Variants in PPP1R36 observed in about 807,000 individuals in gnomAD.
PPP1R36 encodes protein phosphatase 1 regulatory subunit 36, also known as chromosome 14 open reading frame 50.
A neutral mutation model predicts 53.4 loss-of-function variants in PPP1R36; 47 were observed. The ratio of observed to expected loss-of-function variants is 0.88; its 90% CI spans 0.70 to 1.12. The LOEUF (loss-of-function observed/expected upper bound fraction) is 1.12, where lower values mean the gene tolerates loss of function less well. Among genes scored for constraint, PPP1R36 ranks in the 50% most tolerant of loss-of-function variants. The pLI is 0.00. For missense variants in PPP1R36, 456 were observed against 513.9 expected (o/e 0.89, Z 1.09); for synonymous variants, 153 against 170.5 (o/e 0.90, Z 0.80).
At chr14:64,565,957 A>G (rs1162129683) in intron 6 of PPP1R36, among the ~76,000 whole-genome samples, 1 of 152,198 alleles carries the variant, frequency 6.6e-6, no homozygotes, top group African/African-American at 2.4e-5. Flanking sequence ...TGCTATTTTT[A>G]TATAATAGTT....
chr14:64,560,752 G>A (rs2080200022), intron 3 of PPP1R36, among the ~76,000 whole-genome samples: 1 of 152,222 alleles, frequency 6.6e-6, no homozygotes, highest in East Asian at 1.9e-4. Context: ...GGAATACACA[G>A]TAAAGGGGGA....
At chr14:64,588,843 A>G (rs2080459882) in intron 11 of PPP1R36, among the ~76,000 whole-genome samples, 1 of 152,060 alleles carries the variant, frequency 6.6e-6, no homozygotes, top group Non-Finnish European at 1.5e-5. Flanking sequence ...TACAGGTGTG[A>G]GCCACCGCGC....
intron 3 of PPP1R36, among the ~76,000 whole-genome samples, chr14:64,558,789 C>A (rs979314872): frequency 6.6e-6 from 1 of 151,994 alleles, no homozygotes; most frequent in Admixed American, 6.6e-5. Context: ...GCACGCGGCA[C>A]CACAGCTGGC....
chr14:64,566,957 A>G (rs1445561567), intron 6 of PPP1R36, among the ~76,000 whole-genome samples: 1 of 152,216 alleles, frequency 6.6e-6, no homozygotes, highest in African/African-American at 2.4e-5. Context: ...AATTGTTAAC[A>G]GCCTCTTTGT....
At chr14:64,555,431 C>T (rs2080141148) in intron 3 of PPP1R36, among the ~76,000 whole-genome samples, 2 of 151,944 alleles carry the variant, frequency 1.3e-5, no homozygotes, top group African/African-American at 4.8e-5. Context: ...AGAAATAACT[C>T]TAAGAATAGT....
chr14:64,567,405 T>A (rs61987034), intron 6 of PPP1R36, among the ~76,000 whole-genome samples: 25,028 of 152,176 alleles, frequency 0.16, 2,388 homozygotes, highest in Non-Finnish European at 0.21. Flanking sequence ...TAGGTAAATA[T>A]GAGGTATAGA....
At chr14:64,570,506 G>A (rs1177603429) in intron 7 of PPP1R36, among the ~76,000 whole-genome samples, 1 of 151,982 alleles carries the variant, frequency 6.6e-6, no homozygotes, top group Non-Finnish European at 1.5e-5. Context: ...TGGAGTTTAT[G>A]GTGTGATTCT....
chr14:64,588,086 C>A lies in PPP1R36; in HGVS notation c.891-18C>A. The stretch of plus-strand genomic sequence containing the variant: ...AAACAGGGTGATATGACCTAAATGT[C>A]ACCTTCCTCCCCGACAGGAGAATGA... On this transcript the variant is annotated intron_variant, in intron 10 of 11. Transcript: ENST00000298705. The A allele has an allele frequency of 6.3e-7, 1 of 1,580,856 alleles. No individual in the cohort carries two copies. Among genetic ancestry groups the A allele is most frequent in the South Asian group, 1.2e-5 (1 of 86,104 alleles).
At chr14:64,580,923 G>C (rs896942652) in intron 8 of PPP1R36, among the ~76,000 whole-genome samples, 2 of 152,084 alleles carry the variant, frequency 1.3e-5, no homozygotes, top group African/African-American at 4.8e-5. Flanking sequence ...AAGTGAACTG[G>C]GGTCCGCTTG....
Position 64,552,874 on chromosome 14 carries a change from C to CA in PPP1R36, c.182+14dup. 6.2e-7 allele frequency: 1 copy of CA among 1,608,156 alleles called. No individual in the cohort carries two copies. The highest frequency in any genetic ancestry group is 8.5e-7 in the Non-Finnish European group (1 of 1,174,656). ...AACATCACCCTCAGTGAGTGTGAGA[C>CA]AGACAGTGAGATAGCTTTGGGATTA... On this transcript the variant is annotated intron_variant, in intron 3 of 11. Coordinates refer to ENST00000298705, the MANE Select transcript of PPP1R36 (RefSeq NM_172365.3).
intron 8 of PPP1R36, 60 bp downstream of exon 8, chr14:64,574,649 A>G: frequency 6.5e-7 from 1 of 1,526,782 alleles, no homozygotes; most frequent in South Asian, 1.2e-5. Flanking sequence ...CATCCTTAAG[A>G]TGCTTCCGTT....
intron 3 of PPP1R36, among the ~76,000 whole-genome samples, chr14:64,562,317 A>G (rs1392323606): frequency 6.6e-6 from 1 of 152,152 alleles, no homozygotes; most frequent in Admixed American, 6.5e-5. Context: ...AAAAATTAGC[A>G]GGATGTGGTG....
intron 1 of PPP1R36, 66 bp downstream of exon 1, chr14:64,550,132 C>T (rs1185153685): frequency 2.0e-6 from 3 of 1,526,940 alleles, no homozygotes; most frequent in South Asian, 2.4e-5. Flanking sequence ...TGCCCCCAAC[C>T]GGCGCCGCGC....
At chr14:64,581,722 G>A (rs1366892564) in intron 8 of PPP1R36, among the ~76,000 whole-genome samples, 4 of 152,136 alleles carry the variant, frequency 2.6e-5, no homozygotes, top group Admixed American at 2.6e-4. Flanking sequence ...ACATTATGCT[G>A]CGTATCTCTA....
intron 10 of PPP1R36, 92 bp from the exon 11 acceptor site, chr14:64,588,012 G>T: frequency 8.2e-7 from 1 of 1,223,954 alleles, no homozygotes; most frequent in Non-Finnish European, 1.1e-6. Flanking sequence ...CCAAAGGGTT[G>T]GGATTACAGG....
chr14:64,577,816 T>G (rs2080355602), intron 8 of PPP1R36, among the ~76,000 whole-genome samples: 2 of 139,148 alleles, frequency 1.4e-5, no homozygotes, highest in South Asian at 4.9e-4. Context: ...AACTCTGCCT[T>G]CCGGGTTCAC....
chr14:64,572,310 T>C (rs551738532), intron 7 of PPP1R36, among the ~76,000 whole-genome samples: 1 of 152,280 alleles, frequency 6.6e-6, no homozygotes, highest in East Asian at 1.9e-4. Context: ...TTCAACAAAA[T>C]TTTGTCAGCA....
chr14:64,575,385 C>T (rs1353455601), intron 8 of PPP1R36, among the ~76,000 whole-genome samples: 1 of 152,176 alleles, frequency 6.6e-6, no homozygotes, highest in African/African-American at 2.4e-5. Context: ...GGTACTTTCT[C>T]TTATTATTCT....
chr14:64,562,060 T>G (rs1320325986), intron 3 of PPP1R36: 9 of 306,966 alleles, frequency 2.9e-5, no homozygotes, highest in South Asian at 5.7e-5. Flanking sequence ...TATTGTAATA[T>G]TAGGGAACTA....
Sources: allele counts gnomAD v4.1 joint callset (sites outside exome capture counted in the v4.1 genomes callset), GRCh38; gene constraint gnomAD v4.1.1; transcripts MANE v1.5; gene names NCBI Gene and HGNC (gene_info 2026-07-23, HGNC 2026-07-21).